The following RLIG1 variants were observed in gnomAD, a reference collection of about 807,000 sequenced individuals.
RLIG1 encodes the protein RNA ligase 1.
chr12:88,044,787 G>A, the RLIG1 span: 1 of 152,396 alleles, frequency 6.6e-6, no homozygotes, highest in African/African-American at 2.4e-5. Flanking sequence ...CTCCCAGGAA[G>A]AGGAGAGGGC....
At chr12:88,045,554 A>G in the RLIG1 span, 1 of 1,537,578 alleles carries the variant, frequency 6.5e-7, no homozygotes, top group African/African-American at 1.4e-5. Flanking sequence ...CGATCTAATA[A>G]CAAATAATTT....
the RLIG1 span, among the ~76,000 whole-genome samples, chr12:88,040,455 G>GT: frequency 1.3e-5 from 2 of 152,080 alleles, no homozygotes; most frequent in African/African-American, 2.4e-5. Context: ...AAAAAGAAAG[G>GT]TAACTAAAAT....
At chr12:88,035,941 G>A in the RLIG1 span, 3 of 1,523,182 alleles carry the variant, frequency 2.0e-6, no homozygotes, top group East Asian at 7.4e-5. Flanking sequence ...TTAGTTGTGA[G>A]GGAGGGAATT....
the RLIG1 span, chr12:88,044,254 G>A: frequency 6.5e-6 from 1 of 153,332 alleles, no homozygotes; most frequent in Non-Finnish European, 1.5e-5. Flanking sequence ...CCTGAGAGTT[G>A]GACTGTGACC....
chr12:88,040,212 C>A, the RLIG1 span: 1 of 1,609,864 alleles, frequency 6.2e-7, no homozygotes, highest in Non-Finnish European at 8.5e-7. Flanking sequence ...ATATACAGTG[C>A]AATTCCAACA....
At chr12:88,037,768 G>A in the RLIG1 span, among the ~76,000 whole-genome samples, 1 of 152,196 alleles carries the variant, frequency 6.6e-6, no homozygotes, top group African/African-American at 2.4e-5. Context: ...ACACACAGCA[G>A]TATGTTTATA....
chr12:88,045,831 G>C, the RLIG1 span: 3 of 1,441,322 alleles, frequency 2.1e-6, no homozygotes, highest in East Asian at 4.6e-5. Context: ...TTTATAAAGA[G>C]AACTTTCTAG....
At chr12:88,049,113 G>A in the RLIG1 span, 1 of 869,042 alleles carries the variant, frequency 1.2e-6, no homozygotes. Flanking sequence ...TCGGAGAACT[G>A]CTTATTTCCA....
At chr12:88,048,928 C>CTT in the RLIG1 span, 5 of 276,158 alleles carry the variant, frequency 1.8e-5, no homozygotes, top group African/African-American at 1.1e-4. Context: ...CTTTAAAAAA[C>CTT]TTAAAGCATT....
the RLIG1 span, chr12:88,045,152 G>A: frequency 6.3e-6 from 1 of 158,310 alleles, no homozygotes; most frequent in Non-Finnish European, 1.4e-5. Context: ...TTCAATAAAC[G>A]TGGCATCAGT....
At chr12:88,048,676 T>TAAC in the RLIG1 span, 2 of 270,330 alleles carry the variant, frequency 7.4e-6, no homozygotes, top group Admixed American at 1.0e-4. Context: ...CTCTTCACTA[T>TAAC]AACTGAGTGG....
At chr12:88,041,770 C>T in the RLIG1 span, 1 of 152,140 alleles carries the variant, frequency 6.6e-6, no homozygotes, top group East Asian at 1.9e-4. Flanking sequence ...ATAAGTAGTA[C>T]AGAATATTTG....
chr12:88,047,400 T>C, the RLIG1 span, among the ~76,000 whole-genome samples: 6 of 152,138 alleles, frequency 3.9e-5, no homozygotes, highest in Admixed American at 6.6e-5. Context: ...ACTTGTCTGT[T>C]TGATTTCTCA....
At chr12:88,043,459 G>A in the RLIG1 span, 1 of 589,082 alleles carries the variant, frequency 1.7e-6, no homozygotes, top group Admixed American at 3.3e-5. Context: ...CAGTCATGTT[G>A]TGGTGATAAT....
At chr12:88,047,248 C>T in the RLIG1 span, among the ~76,000 whole-genome samples, 1 of 152,128 alleles carries the variant, frequency 6.6e-6, no homozygotes, top group Non-Finnish European at 1.5e-5. Flanking sequence ...CACAGTAGTG[C>T]TCTCAGAGAC....
At chr12:88,045,859 A>G in the RLIG1 span, 2 of 1,089,108 alleles carry the variant, frequency 1.8e-6, no homozygotes, top group South Asian at 3.0e-5. Flanking sequence ...TAAAAAACAT[A>G]CACACACTAA....
chr12:88,036,938 G>A, the RLIG1 span, among the ~76,000 whole-genome samples: 22 of 152,254 alleles, frequency 1.4e-4, no homozygotes, highest in African/African-American at 5.3e-4. Context: ...TTTGAGGGGA[G>A]TAGTTTGTGA....
At chr12:88,048,429 A>T in the RLIG1 span, 1 of 1,315,022 alleles carries the variant, frequency 7.6e-7, no homozygotes, top group Non-Finnish European at 1.0e-6. Context: ...ATAAAATGCA[A>T]ATAAAATTAG....
the RLIG1 span, chr12:88,048,282 A>C: frequency 1.3e-6 from 2 of 1,599,380 alleles, no homozygotes. Context: ...AGATACTTAC[A>C]TGAATTCAAG....
Sources: allele counts gnomAD v4.1 joint callset (sites outside exome capture counted in the v4.1 genomes callset), GRCh38; gene constraint gnomAD v4.1.1; transcripts MANE v1.5; gene names NCBI Gene and HGNC (gene_info 2026-07-23, HGNC 2026-07-21).